SPAM1: variants seen among roughly 807,000 people sequenced by gnomAD.
SPAM1 encodes sperm adhesion molecule 1.
In SPAM1, 22 loss-of-function variants were observed where a neutral mutation model predicts 29.6. That is an observed-to-expected ratio of 0.74 (90% CI 0.53 to 1.06). The LOEUF (loss-of-function observed/expected upper bound fraction) is 1.06. Ranked by LOEUF, SPAM1 falls within the 50% of genes least tolerant of loss-of-function variation. The probability of loss-of-function intolerance (pLI) is 0.00; values close to 1 mark genes in which losing one functional copy is unlikely to be tolerated. For missense variants in SPAM1, 534 were observed against 604.0 expected (o/e 0.88, Z 1.21); for synonymous variants, 194 against 204.6 (o/e 0.95, Z 0.44).
Position 123,954,333 on chromosome 7 carries a change from G to A in SPAM1, c.763G>A (p.Glu255Lys). ...TGATGATCTCAGCTGGTTGTGGAATGAAAGCACTGCTCTTTACCCATCCAT... is the reference window on the plus strand; with the variant it reads ...TGATGATCTCAGCTGGTTGTGGAATAAAAGCACTGCTCTTTACCCATCCAT... ...RNDDLSWLWN[E>K]STALYPSIYL... Residue 255 changes from glutamate to lysine, a missense_variant, in exon 3 of 5, where the codon GAA becomes AAA. Transcript: ENST00000682466. The A allele has an allele frequency of 6.2e-7, 1 of 1,613,160 alleles. No homozygotes were observed. The highest frequency in any genetic ancestry group is 1.3e-5 in the African/African-American group (1 of 74,986).
chr7:123,933,246 G>A (rs1003774263), intron 1 of SPAM1, among the ~76,000 whole-genome samples: 1 of 151,834 alleles, frequency 6.6e-6, no homozygotes, highest in African/African-American at 2.4e-5. Context: ...ACAGGCCCTG[G>A]TGTGTGATGT....
Position 123,933,051 on chromosome 7 carries a change from T to A in SPAM1, c.-319+7699T>A, listed in dbSNP as rs1484651787. Among the ~76,000 whole-genome samples the A allele has an allele frequency of 6.6e-5, 10 of 151,436 alleles. No homozygotes were observed. In the South Asian group the frequency reaches 1.7e-3, roughly 25 times the overall value. On this transcript the variant is annotated intron_variant, in intron 1 of 4. Coordinates refer to ENST00000682466, the MANE Select transcript of SPAM1 (RefSeq NM_153189.3). ...ACAATTTTTAAAATATTATTTATTT[T>A]ATTTTTTTTTTTTTAAATTTACTTT...
chr7:123,943,166 T>A lies in SPAM1; in HGVS notation c.-318-6706T>A, dbSNP rs147080077. Among the ~76,000 whole-genome samples the A allele has an allele frequency of 4.6e-3, 708 of 152,292 alleles. 4 individuals carry two copies. Among genetic ancestry groups the A allele is most frequent in the African/African-American group, 0.016 (672 of 41,574 alleles). On this transcript the variant is annotated intron_variant, in intron 1 of 4. Transcript: ENST00000682466. ...TAAAAGGATTTATTTCAGTCTTCCA[T>A]GCGGTTTAGTCTATGCAGTTAACTC...
chr7:123,930,656 G>A (rs1489705688), intron 1 of SPAM1, among the ~76,000 whole-genome samples: 1 of 152,178 alleles, frequency 6.6e-6, no homozygotes, highest in South Asian at 2.1e-4. Flanking sequence ...TCCCAGCACT[G>A]GCAAAGCAAC....
At chr7:123,931,353 C>T (rs71574772) in intron 1 of SPAM1, among the ~76,000 whole-genome samples, 2,184 of 152,210 alleles carry the variant, frequency 0.014, 19 homozygotes, top group Non-Finnish European at 0.021. Flanking sequence ...TATATAAAAA[C>T]AGGCCATAAA....
At chr7:123,955,628 C>T (rs1276375506) in intron 4 of SPAM1, among the ~76,000 whole-genome samples, 3 of 151,894 alleles carry the variant, frequency 2.0e-5, no homozygotes, top group Non-Finnish European at 4.4e-5. Context: ...AGTCTATACT[C>T]TAGTAGTCTA....
intron 1 of SPAM1, among the ~76,000 whole-genome samples, chr7:123,931,457 A>C (rs1808076134): frequency 6.6e-6 from 1 of 152,198 alleles, no homozygotes; most frequent in Admixed American, 6.5e-5. Flanking sequence ...GAATGCATGC[A>C]CAGAGAGGCC....
At chr7:123,970,354 C>G (rs1454759849) in intron 6 of SPAM1, 1 of 1,283,058 alleles carries the variant, frequency 7.8e-7, no homozygotes, top group African/African-American at 1.5e-5. Flanking sequence ...TGTTTCTTCC[C>G]CTTATAAGGA....
At chr7:123,926,631 C>G (rs1438348774) in intron 1 of SPAM1, among the ~76,000 whole-genome samples, 1 of 152,066 alleles carries the variant, frequency 6.6e-6, no homozygotes, top group Non-Finnish European at 1.5e-5. Context: ...TTTAGGAAGG[C>G]ATGAGACATT....
Position 123,953,984 on chromosome 7 carries a change from C to T in SPAM1, c.414C>T (p.Asp138=). 6.2e-7 allele frequency: 1 copy of T among 1,613,666 alleles called. No individual in the cohort carries two copies. The highest frequency in any genetic ancestry group is 8.5e-7 in the Non-Finnish European group (1 of 1,179,798). ...KKDITFYMPV[D]NLGMAVIDWE... ...ACATTACATTTTATATGCCAGTAGA[C>T]AATTTGGGAATGGCTGTTATTGACT... Residue 138 remains aspartate (D), a synonymous_variant, in exon 3 of 5, where the codon GAC becomes GAT. Transcript: ENST00000682466.
chr7:123,941,481 A>C (rs551403968), intron 1 of SPAM1, among the ~76,000 whole-genome samples: 2 of 152,310 alleles, frequency 1.3e-5, no homozygotes, highest in East Asian at 1.9e-4. Flanking sequence ...TGAATATACA[A>C]TTTAGTCTGG....
chr7:123,948,337 C>A (rs1808651070), intron 1 of SPAM1, among the ~76,000 whole-genome samples: 1 of 152,084 alleles, frequency 6.6e-6, no homozygotes, highest in Non-Finnish European at 1.5e-5. Flanking sequence ...CTTGGAAATG[C>A]CACACAACCT....
At chr7:123,965,642 A>G (rs567086378) in intron 5 of SPAM1, among the ~76,000 whole-genome samples, 43 of 152,066 alleles carry the variant, frequency 2.8e-4, no homozygotes, top group African/African-American at 1.0e-3. Context: ...TGAGTTCTCT[A>G]TTCCGTTCCA....
intron 1 of SPAM1, chr7:123,932,592 T>C (rs1195270930): frequency 2.6e-5 from 4 of 152,300 alleles, no homozygotes; most frequent in Admixed American, 2.6e-4. Context: ...TGATGAACAG[T>C]AAACTGATTT....
chr7:123,943,222 G>A (rs991737814), intron 1 of SPAM1, among the ~76,000 whole-genome samples: 1 of 152,026 alleles, frequency 6.6e-6, no homozygotes, highest in African/African-American at 2.4e-5. Context: ...GAACATTTCA[G>A]CTCTCTTTAA....
intron 6 of SPAM1, among the ~76,000 whole-genome samples, chr7:123,970,608 A>AATAATTATTATT (rs376690940): frequency 6.8e-5 from 10 of 147,272 alleles, no homozygotes; most frequent in African/African-American, 2.5e-4. Flanking sequence ...TAATAATAAT[A>AATAATTATTATT]ATTATTATTA....
chr7:123,955,134 G>A, intron 4 of SPAM1, 48 bp downstream of exon 4: 1 of 1,303,098 alleles, frequency 7.7e-7, no homozygotes, highest in East Asian at 2.3e-5. Flanking sequence ...TATGTTTAAT[G>A]TTTTTGGGGA....
rs1402233180 is a variant in SPAM1 at position 123,954,338 on chromosome 7, C to T, written c.768C>T (p.Ser256=). The change falls in exon 3 of 5, where the codon AGC becomes AGT. Residue 256 remains serine, a synonymous_variant. Coordinates refer to ENST00000682466, the MANE Select transcript of SPAM1 (RefSeq NM_153189.3). ...NDDLSWLWNE[S]TALYPSIYLN... Reference sequence around the variant, plus strand: ...ATCTCAGCTGGTTGTGGAATGAAAGCACTGCTCTTTACCCATCCATTTATT... The same window carrying T: ...ATCTCAGCTGGTTGTGGAATGAAAGTACTGCTCTTTACCCATCCATTTATT... 6.2e-7 allele frequency: 1 copy of T among 1,613,154 alleles called. No individual in the cohort carries two copies. Among genetic ancestry groups the T allele is most frequent in the Non-Finnish European group, 8.5e-7 (1 of 1,179,550 alleles).
chr7:123,941,295 C>T (rs773664899), intron 1 of SPAM1, among the ~76,000 whole-genome samples: 48 of 152,270 alleles, frequency 3.2e-4, no homozygotes, highest in Middle Eastern at 3.4e-3. Flanking sequence ...CCAAGTTGGT[C>T]GGGGTGCAGC....
Sources: allele counts gnomAD v4.1 joint callset (sites outside exome capture counted in the v4.1 genomes callset), GRCh38; gene constraint gnomAD v4.1.1; transcripts MANE v1.5; gene names NCBI Gene and HGNC (gene_info 2026-07-23, HGNC 2026-07-21).